ANKRD30A: variants seen among roughly 807,000 people sequenced by gnomAD.
The protein encoded by ANKRD30A is ankyrin repeat domain-containing protein 30A.
ANKRD30A carries 170 observed loss-of-function variants against 166.3 expected under a neutral mutation model. That is an observed-to-expected ratio of 1.02 (90% CI 0.90 to 1.16). The LOEUF (loss-of-function observed/expected upper bound fraction) is 1.16. ANKRD30A is among the 50% of genes most tolerant of loss of function. The pLI is 0.00. For synonymous variants in ANKRD30A, 564 were observed against 508.9 expected, an observed-to-expected ratio of 1.11 and a Z score of -1.46; for missense variants, 1,630 against 1,518.0, an observed-to-expected ratio of 1.07 and a Z score of -1.23.
chr10:37,219,689 T>C lies in ANKRD30A; in HGVS notation c.3977T>C (p.Leu1326Pro). The part of the protein sequence containing the change: ...QESLDQKLFQ[L>P]QSKNMWLQQQ... ...TCTCTAGATCAGAAATTATTTCAACTACAAAGCAAAAATATGTGGCTTCAA... is the reference window on the plus strand; with the variant it reads ...TCTCTAGATCAGAAATTATTTCAACCACAAAGCAAAAATATGTGGCTTCAA... The change falls in exon 34 of 36, where the codon CTA (leucine) becomes CCA (proline). Residue 1326 changes from leucine (L) to proline (P), a missense_variant. Transcript: ENST00000361713. 5 of 1,609,340 alleles carry C rather than the reference T, an allele frequency of 3.1e-6. No homozygotes were observed. The highest frequency in any genetic ancestry group is 4.2e-6 in the Non-Finnish European group (5 of 1,177,166).
chr10:37,134,439 T>C (rs754091066), intron 5 of ANKRD30A, among the ~76,000 whole-genome samples: 3 of 152,210 alleles, frequency 2.0e-5, no homozygotes, highest in Non-Finnish European at 4.4e-5. Context: ...CACCATTCTC[T>C]TTATTTTGTT....
intron 27 of ANKRD30A, among the ~76,000 whole-genome samples, chr10:37,197,061 A>G (rs947259984): frequency 1.6e-4 from 24 of 152,160 alleles, no homozygotes; most frequent in African/African-American, 4.8e-4. Flanking sequence ...TCGCTCTTGA[A>G]GTCTTAACTG....
chr10:37,239,526 TGAA>T, the ANKRD30A span, among the ~76,000 whole-genome samples: 1 of 152,140 alleles, frequency 6.6e-6, no homozygotes, highest in Admixed American at 6.5e-5. Context: ...GTAAATTTTC[TGAA>T]GGAGGAGAAT....
At chr10:37,179,459 A>C (rs1448772511) in intron 24 of ANKRD30A, among the ~76,000 whole-genome samples, 3 of 151,080 alleles carry the variant, frequency 2.0e-5, no homozygotes, top group African/African-American at 7.3e-5. Context: ...CTAAGCTAGA[A>C]ATTACAAAAA....
the ANKRD30A span, among the ~76,000 whole-genome samples, chr10:37,241,520 G>A: frequency 6.6e-6 from 1 of 151,842 alleles, no homozygotes; most frequent in East Asian, 1.9e-4. Flanking sequence ...GTATTATTGA[G>A]TTTTACATAC....
chr10:37,125,963 A>G lies in ANKRD30A; in HGVS notation c.176A>G (p.Lys59Arg). ...GTCCGGAAGCTGGAGAAGATGACAA[A>G]GAGGAAGAAGACCATCAACCTTAAT... ...GQVRKLEKMT[K>R]RKKTINLNIQ... is the part of the protein sequence containing the mutation. Residue 59 changes from lysine (K) to arginine (R), a missense_variant, in exon 1 of 36, where the codon AAG becomes AGG. This residue lies in a region of ANKRD30A where 904 missense variants were observed against 818.5 expected (regional missense o/e 1.10). Transcript: ENST00000361713. The G allele has an allele frequency of 6.2e-7, 1 of 1,611,792 alleles. No individual in the cohort carries two copies. Among genetic ancestry groups the G allele is most frequent in the Non-Finnish European group, 8.5e-7 (1 of 1,179,812 alleles).
chr10:37,200,098 G>T (rs1404467633), intron 30 of ANKRD30A, among the ~76,000 whole-genome samples: 1 of 152,030 alleles, frequency 6.6e-6, no homozygotes, highest in African/African-American at 2.4e-5. Context: ...ATTACACTGA[G>T]TCCAGCTCTG....
rs547711914 is a variant in ANKRD30A at position 37,157,438 on chromosome 10, T to C, written c.1799-954T>C. Among the ~76,000 whole-genome samples the C allele has an allele frequency of 6.6e-5, 10 of 152,358 alleles. No homozygotes were observed. The South Asian group carries it at 2.1e-3, about 32-fold the overall frequency. On this transcript the variant is annotated intron_variant, in intron 13 of 35. Coordinates refer to ENST00000361713, the MANE Select transcript of ANKRD30A (RefSeq NM_052997.3). ...TGGAGTGCAGTGGCATGATCTTGGC[T>C]CATTGCAACATCTGCCTCCTGGGTT...
the ANKRD30A span, chr10:37,264,529 G>A: frequency 4.5e-6 from 2 of 443,900 alleles, no homozygotes; most frequent in East Asian, 6.6e-5. Context: ...TTCCTCTGCA[G>A]TTCAGTCATC....
At position 37,162,818 on chromosome 10, in the gene ANKRD30A, G is replaced by T; in HGVS notation, c.1972G>T (p.Glu658Ter). Residue 658 changes from glutamate (E) to a stop codon, truncating the protein, a stop_gained, in exon 17 of 36, where the codon GAA becomes TAA. Coordinates refer to ENST00000361713, the MANE Select transcript of ANKRD30A (RefSeq NM_052997.3). LOFTEE classifies it high-confidence loss of function. Reference sequence around the variant, plus strand: ...AAAGTCTGTCCCAAATAAAGCCTTGGAATTGAAAAATGAACAAACATTGAG... The same window carrying T: ...AAAGTCTGTCCCAAATAAAGCCTTGTAATTGAAAAATGAACAAACATTGAG... ...MQKSVPNKAL[E>*]LKNEQTLRAD... 6.2e-7 allele frequency: 1 copy of T among 1,613,486 alleles called. No homozygotes were observed.
At chr10:37,210,176 T>C (rs577451021) in intron 31 of ANKRD30A, among the ~76,000 whole-genome samples, 19 of 152,228 alleles carry the variant, frequency 1.2e-4, no homozygotes, top group African/African-American at 3.9e-4. Flanking sequence ...TATGTTCTCA[T>C]TGTTCAACTC....
intron 31 of ANKRD30A, 29 bp downstream of exon 31, chr10:37,201,354 A>C (rs777706171): frequency 6.7e-7 from 1 of 1,481,946 alleles, no homozygotes; most frequent in Admixed American, 2.1e-5. Flanking sequence ...TTAAAAGGTC[A>C]TTTGACCAAG....
At chr10:37,225,482 C>T (rs930814753) in intron 34 of ANKRD30A, among the ~76,000 whole-genome samples, 1 of 151,508 alleles carries the variant, frequency 6.6e-6, no homozygotes, top group Non-Finnish European at 1.5e-5. Context: ...ATTTTAAAAC[C>T]AGTCTACTTG....
At chr10:37,219,923 T>C in intron 34 of ANKRD30A, 26 bp downstream of exon 34, 2 of 1,418,036 alleles carry the variant, frequency 1.4e-6, no homozygotes, top group Non-Finnish European at 9.2e-7. Context: ...TATAAATACT[T>C]GTCAAACTTC....
At position 37,137,377 on chromosome 10, in the gene ANKRD30A, G is replaced by A. The variant is rs190076842; in HGVS notation, c.820+706G>A. Among the ~76,000 whole-genome samples, 110 of 152,262 alleles carry A rather than the reference G, an allele frequency of 7.2e-4. 3 individuals are homozygous for A. The East Asian group carries it at 0.017, about 24-fold the overall frequency. On this transcript the variant is annotated intron_variant, in intron 6 of 35. Coordinates refer to ENST00000361713, the MANE Select transcript of ANKRD30A (RefSeq NM_052997.3). ...CACTGGACAGTGTTGGAAAGTGGGC[G>A]CAGGACAGTGGGTGCAGCGCACTGA...
At position 37,219,190 on chromosome 10, in the gene ANKRD30A, A is replaced by G. The variant is rs1564587077; in HGVS notation, c.3478A>G (p.Arg1160Gly). 9 of 1,610,606 alleles carry G rather than the reference A, an allele frequency of 5.6e-6. No individual in the cohort carries two copies. Among genetic ancestry groups the G allele is most frequent in the Middle Eastern group, 1.6e-4 (1 of 6,066 alleles). The part of the protein sequence containing the change: ...LKLKEESLTK[R>G]ASQYSGQLKV... ...ACTGAAAGAGGAATCATTAACTAAAAGGGCATCTCAATATAGTGGGCAGCT... is the reference window on the plus strand; with the variant it reads ...ACTGAAAGAGGAATCATTAACTAAAGGGGCATCTCAATATAGTGGGCAGCT... The change falls in exon 34 of 36, where the codon AGG becomes GGG. Residue 1160 changes from arginine to glycine, a missense_variant. This residue lies in a region of ANKRD30A where 712 missense variants were observed against 629.3 expected (regional missense o/e 1.13). Coordinates refer to ENST00000361713, the MANE Select transcript of ANKRD30A (RefSeq NM_052997.3).
chr10:37,260,817 T>A, the ANKRD30A span, among the ~76,000 whole-genome samples: 1 of 152,112 alleles, frequency 6.6e-6, no homozygotes, highest in East Asian at 1.9e-4. Context: ...AAATACCACA[T>A]GTTCTCACTT....
chr10:37,217,625 A>G (rs1842669440), intron 32 of ANKRD30A, 70 bp from the exon 33 acceptor site: 2 of 1,288,128 alleles, frequency 1.6e-6, no homozygotes, highest in South Asian at 3.5e-5. Context: ...CAATATAGGA[A>G]GAAATAGATC....
intron 8 of ANKRD30A, 41 bp from the exon 9 acceptor site, chr10:37,147,329 A>G (rs1256910928): frequency 7.0e-7 from 1 of 1,433,704 alleles, no homozygotes; most frequent in Non-Finnish European, 9.5e-7. Flanking sequence ...CATGCTTATG[A>G]TTTTAAAACT....
Sources: allele counts gnomAD v4.1 joint callset (sites outside exome capture counted in the v4.1 genomes callset), GRCh38; gene constraint gnomAD v4.1.1; regional missense constraint gnomAD v4.1.1; transcripts MANE v1.5; gene names NCBI Gene and HGNC (gene_info 2026-07-23, HGNC 2026-07-21).